The following TG variants were observed in gnomAD, a reference collection of about 807,000 sequenced individuals.
TG encodes the protein thyroid hormones.
Under a neutral mutation model 324.7 loss-of-function variants are expected in TG, and 270 were observed. That is an observed-to-expected ratio of 0.83 (90% CI 0.75 to 0.92). The LOEUF is 0.92. Among genes scored for constraint, TG ranks in the 40% least tolerant of loss-of-function variants. The pLI, the probability that TG is intolerant of heterozygous loss-of-function variation, is 0.00. For missense variants in TG, 3,591 were observed against 3,456.4 expected, an observed-to-expected ratio of 1.04 and a Z score of -0.98; for synonymous variants, 1,401 against 1,327.0, an observed-to-expected ratio of 1.06 and a Z score of -1.21.
intron 45 of TG, among the ~76,000 whole-genome samples, chr8:133,117,773 A>C (rs977802450): frequency 6.6e-6 from 1 of 152,204 alleles, no homozygotes; most frequent in African/African-American, 2.4e-5. Context: ...TGGGGTCAAG[A>C]ACATTCATCA....
chr8:133,127,666 T>A (rs1460005411), intron 45 of TG, among the ~76,000 whole-genome samples: 1 of 152,212 alleles, frequency 6.6e-6, no homozygotes, highest in East Asian at 1.9e-4. Flanking sequence ...TAGACCTTAG[T>A]AAGCATGCAG....
At chr8:133,132,298 A>T (rs1852003138) in intron 46 of TG, among the ~76,000 whole-genome samples, 1 of 152,166 alleles carries the variant, frequency 6.6e-6, no homozygotes, top group South Asian at 2.1e-4. Flanking sequence ...TGTCCACCAG[A>T]TGCCAGTGGT....
rs1260802690 is a variant in TG, at chr8:133,012,114, A to G, written c.6397+79A>G. The G allele has an allele frequency of 3.1e-6, 5 of 1,590,180 alleles. No homozygotes were observed. The African/African-American group carries it at 6.7e-5, about 21-fold the overall frequency. On this transcript the variant is annotated intron_variant, in intron 36 of 47. Transcript: ENST00000220616. ...CTGCTCAAGATTCTCAACTTAGAAA[A>G]ACACATGAGACACTACGATAACCTA...
chr8:132,916,670 G>A (rs944877257), intron 20 of TG, among the ~76,000 whole-genome samples: 4 of 152,252 alleles, frequency 2.6e-5, no homozygotes, highest in South Asian at 2.1e-4. Flanking sequence ...AATTGGTGAC[G>A]GCCAGGGAGC....
chr8:133,044,483 G>A (rs767203260), intron 41 of TG, among the ~76,000 whole-genome samples: 1 of 152,142 alleles, frequency 6.6e-6, no homozygotes, highest in African/African-American at 2.4e-5. Flanking sequence ...ACCAGGCCAC[G>A]GGGAAGCATG....
chr8:132,963,655 C>T lies in TG; in HGVS notation c.5548+581C>T, dbSNP rs976193065. 6.6e-5 allele frequency among the ~76,000 whole-genome samples: 10 copies of T among 151,104 alleles called. No homozygotes were observed. The East Asian group carries it at 1.4e-3, about 21-fold the overall frequency. ...CAGCAAGGACCAGGAGACAAGACAT[C>T]TGCATGTGGTCTGCAGTGTGTGTGT... On this transcript the variant is annotated intron_variant, in intron 29 of 47. Transcript: ENST00000220616.
At chr8:133,062,851 T>TA (rs1347394035) in intron 41 of TG, among the ~76,000 whole-genome samples, 1 of 152,174 alleles carries the variant, frequency 6.6e-6, no homozygotes, top group East Asian at 1.9e-4. Flanking sequence ...CAGGGTGTCT[T>TA]ACACAGGTCT....
At chr8:133,053,103 C>G (rs1049655878) in intron 41 of TG, among the ~76,000 whole-genome samples, 2 of 152,178 alleles carry the variant, frequency 1.3e-5, no homozygotes, top group African/African-American at 4.8e-5. Context: ...CTGCCTGGAA[C>G]ACACCCTGCT....
At chr8:132,939,361 C>G (rs1455260578) in intron 25 of TG, among the ~76,000 whole-genome samples, 3 of 152,206 alleles carry the variant, frequency 2.0e-5, no homozygotes, top group African/African-American at 7.2e-5. Flanking sequence ...GAGGCCGACT[C>G]TCTCAAGTAG....
At chr8:133,031,241 A>G (rs1241947511) in intron 41 of TG, among the ~76,000 whole-genome samples, 1 of 152,132 alleles carries the variant, frequency 6.6e-6, no homozygotes, top group Non-Finnish European at 1.5e-5. Context: ...TGTCTGGCTT[A>G]TTTCCCTTAG....
intron 43 of TG, among the ~76,000 whole-genome samples, chr8:133,104,432 A>G (rs921406266): frequency 6.6e-6 from 1 of 152,208 alleles, no homozygotes; most frequent in Non-Finnish European, 1.5e-5. Flanking sequence ...GTGGAAATCC[A>G]GGGGTTGAGC....
At chr8:133,132,061 A>C in intron 46 of TG, 115 bp downstream of exon 46, 1 of 1,496,544 alleles carries the variant, frequency 6.7e-7, no homozygotes. Flanking sequence ...CTCCGTAGAC[A>C]CTATAATCAC....
chr8:132,883,932 CT>C (rs1281619358), intron 8 of TG, among the ~76,000 whole-genome samples: 2 of 152,178 alleles, frequency 1.3e-5, no homozygotes, highest in African/African-American at 4.8e-5. Flanking sequence ...GCCGTGCTCC[CT>C]CTGAAAGCTC....
At chr8:133,130,508 A>G (rs928043410) in intron 45 of TG, among the ~76,000 whole-genome samples, 1 of 152,166 alleles carries the variant, frequency 6.6e-6, no homozygotes, top group East Asian at 1.9e-4. Context: ...AGGATGGAGG[A>G]AGGCAGTTCT....
intron 10 of TG, among the ~76,000 whole-genome samples, chr8:132,893,201 GTGTGTA>G: frequency 1.5e-5 from 2 of 130,420 alleles, no homozygotes; most frequent in African/African-American, 2.9e-5. Flanking sequence ...AGTGTGTGTG[GTGTGTA>G]TGTGTGTGTG....
intron 21 of TG, among the ~76,000 whole-genome samples, chr8:132,921,706 G>T (rs182160838): frequency 5.3e-5 from 8 of 152,248 alleles, no homozygotes; most frequent in African/African-American, 1.9e-4. Flanking sequence ...TAACTTAGCT[G>T]GTTCACTGGA....
At chr8:133,015,417 C>G (rs183794174) in intron 37 of TG, among the ~76,000 whole-genome samples, 2 of 152,220 alleles carry the variant, frequency 1.3e-5, no homozygotes. Context: ...CAGGTAGTCA[C>G]GTGGCCTCTG....
At chr8:132,988,029 A>G (rs1221422767) in intron 35 of TG, among the ~76,000 whole-genome samples, 1 of 149,360 alleles carries the variant, frequency 6.7e-6, no homozygotes, top group African/African-American at 2.5e-5. Flanking sequence ...CTTTCTTTGA[A>G]GTAGACTTTG....
At chr8:132,953,496 G>A (rs1049931137) in intron 27 of TG, among the ~76,000 whole-genome samples, 8 of 152,202 alleles carry the variant, frequency 5.3e-5, no homozygotes, top group African/African-American at 1.4e-4. Context: ...AACACAGAAT[G>A]TCTCCTTAGC....
Sources: allele counts gnomAD v4.1 joint callset (sites outside exome capture counted in the v4.1 genomes callset), GRCh38; gene constraint gnomAD v4.1.1; transcripts MANE v1.5; gene names NCBI Gene and HGNC (gene_info 2026-07-23, HGNC 2026-07-21).